TUBGCP6: variants seen among roughly 807,000 people sequenced by gnomAD.
TUBGCP6 encodes gamma-tubulin complex component 6.
In TUBGCP6, 161 loss-of-function variants were observed where a neutral mutation model predicts 175.8. The observed-to-expected ratio is 0.92, with a 90% CI of 0.81 to 1.04. TUBGCP6 has a LOEUF of 1.04. TUBGCP6 is among the 50% of genes least tolerant of loss of function. The pLI is 0.00. For synonymous variants in TUBGCP6, 1,173 were observed against 1,030.5 expected (o/e 1.14, Z -2.65); for missense variants, 2,572 against 2,433.0 (o/e 1.06, Z -1.20).
chr22:50,224,855 C>CT (rs1297078903), intron 10 of TUBGCP6, among the ~76,000 whole-genome samples: 2 of 152,048 alleles, frequency 1.3e-5, no homozygotes, highest in African/African-American at 4.8e-5. Flanking sequence ...GAGGTGGAGG[C>CT]TGCAGTGAGC....
At position 50,221,831 on chromosome 22, in the gene TUBGCP6, C is replaced by A. The variant is rs1320486567; in HGVS notation, c.2528G>T (p.Cys843Phe). Residue 843 changes from cysteine (C) to phenylalanine (F), a missense_variant, in exon 16 of 25, where the codon TGT becomes TTT. Coordinates refer to ENST00000248846, the MANE Select transcript of TUBGCP6 (RefSeq NM_020461.4). ...GTGTTGCTCTGCAGACCCAGAATCA[C>A]AGCCTTGGCCTCCCTCTGGGTGCTC... is the stretch of plus-strand genomic sequence containing the variant. ...GPEHPEGGQG[C>F]DSGSAEQHSP... is the part of the protein sequence containing the mutation. 1 of 1,510,754 alleles carries A rather than the reference C, an allele frequency of 6.6e-7. No homozygotes were observed. The highest frequency in any genetic ancestry group is 1.4e-5 in the African/African-American group (1 of 71,740). The allele number at this position is 1,510,754 out of a possible 1,614,324, so 93.6% of individuals were successfully genotyped here. A position where few individuals can be genotyped will look rare whatever the true frequency, so the allele number is the denominator to read the frequency against.
rs777430184 is a variant in TUBGCP6, at chr22:50,221,784, TCCAGCCATC to T, written c.2566_2574del (p.Asp856_Trp858del). The T allele has an allele frequency of 7.3e-6, 11 of 1,511,918 alleles. No homozygotes were observed. The highest frequency in any genetic ancestry group is 9.7e-6 in the Non-Finnish European group (11 of 1,130,160). 93.7% of individuals were successfully genotyped at this position (1,511,918 alleles called of 1,614,324 possible). On this transcript the variant is annotated inframe_deletion, in exon 16 of 25. Coordinates refer to ENST00000248846, the MANE Select transcript of TUBGCP6 (RefSeq NM_020461.4). ...TGTGGGGTCAGCAGGCCTGGCCTGT[TCCAGCCATC>T]CCAGGCAGGCGAGTGTTGCTCTGCA...
rs768587991 is a variant in TUBGCP6 at position 50,240,132 on chromosome 22, A to C, written c.905+72T>G. 6.3e-5 allele frequency: 100 copies of C among 1,594,240 alleles called. No homozygotes were observed. The East Asian group carries it at 2.1e-3, about 33-fold the overall frequency. ...GACCCCTGAGTACACAACGCCCCCC[A>C]CACACCCCATCCAAGGCCACGCTCA... is the stretch of plus-strand genomic sequence containing the variant. On this transcript the variant is annotated intron_variant, in intron 2 of 24. Coordinates refer to ENST00000248846, the MANE Select transcript of TUBGCP6 (RefSeq NM_020461.4).
rs747766416 is a variant in TUBGCP6 at position 50,217,913 on chromosome 22, C to T, written c.5368+5G>A. ...CGCAGCCCTCCCAGCCAGGGTGGGC[C>T]TCACCTTTGAAGAGAAAGTGGGAGT... On this transcript the variant is annotated splice_donor_5th_base_variant and intron_variant, in intron 24 of 24. Coordinates refer to ENST00000248846, the MANE Select transcript of TUBGCP6 (RefSeq NM_020461.4). The T allele has an allele frequency of 4.4e-6, 7 of 1,605,648 alleles. No homozygotes were observed. The highest frequency in any genetic ancestry group is 2.2e-5 in the East Asian group (1 of 44,680).
chr22:50,225,920 G>A lies in TUBGCP6; in HGVS notation c.1857C>T (p.Val619=), dbSNP rs780901473. 6.2e-6 allele frequency: 10 copies of A among 1,613,828 alleles called. No individual in the cohort carries two copies. The East Asian group carries it at 2.0e-4, about 32-fold the overall frequency. The stretch of plus-strand genomic sequence containing the variant: ...AAATCACCGAGATCCGGGGGACAGG[G>A]ACGTCGGACCAACAGAGGTAATGCT... The part of the protein sequence containing the change: ...CPRHYLCWSD[V]PVPRISVIFS... Residue 619 remains valine, a synonymous_variant, in exon 10 of 25, where the codon GTC becomes GTT. Coordinates refer to ENST00000248846, the MANE Select transcript of TUBGCP6 (RefSeq NM_020461.4).
At chr22:50,243,494 T>C (rs1286729556) in intron 1 of TUBGCP6, among the ~76,000 whole-genome samples, 3 of 147,048 alleles carry the variant, frequency 2.0e-5, no homozygotes, top group African/African-American at 7.6e-5. Flanking sequence ...GGCAGGTGCC[T>C]GTAATTTCAG....
rs373713701 is a variant in TUBGCP6, at chr22:50,220,278, G to A, written c.4081C>T (p.Pro1361Ser). Residue 1361 changes from proline to serine, a missense_variant, in exon 16 of 25, where the codon CCG (proline) becomes TCG (serine). Pro to Ser is a moderately conservative substitution (Grantham distance 74). Transcript: ENST00000248846. ...AGTTCTTCAGAGACACTGTCTCCCG[G>A]GGTGTTGGGCCACCATGGTTGGGTG... ...APTQPWWPNTPGDSVSEELGP... is the reference protein window; with the variant it reads ...APTQPWWPNTSGDSVSEELGP... The A allele has an allele frequency of 2.9e-5, 45 of 1,571,120 alleles. No homozygotes were observed. Among genetic ancestry groups the A allele is most frequent in the South Asian group, 4.7e-5 (4 of 85,208 alleles).
At position 50,222,032 on chromosome 22, in the gene TUBGCP6, G is replaced by C. The variant is rs371704858; in HGVS notation, c.2480C>G (p.Pro827Arg). The change falls in exon 15 of 25, where the codon CCC becomes CGC. Residue 827 changes from proline (P) to arginine (R), a missense_variant. Coordinates refer to ENST00000248846, the MANE Select transcript of TUBGCP6 (RefSeq NM_020461.4). ...EPPDVLLSVH[P>R]QVTSPGPEHP... ...GGGTTCCACTCTGCCGCTTACCTGG[G>C]GGTGCACGCTCAAGAGGACGTCTGG... is the stretch of plus-strand genomic sequence containing the variant. 9 of 1,613,756 alleles carry C rather than the reference G, an allele frequency of 5.6e-6. No individual in the cohort carries two copies. The highest frequency in any genetic ancestry group is 7.6e-6 in the Non-Finnish European group (9 of 1,179,994).
chr22:50,220,332 C>G lies in TUBGCP6; in HGVS notation c.4027G>C (p.Val1343Leu), dbSNP rs140144242. The change falls in exon 16 of 25, where the codon GTG becomes CTG. Residue 1343 changes from valine to leucine, a missense_variant. Transcript: ENST00000248846. Reference protein sequence around the residue: ...SSGCGEGSISVGENVSDVAPT... With the variant: ...SSGCGEGSISLGENVSDVAPT... ...GCCACGTCTGACACGTTCTCCCCCACGCTGATGCTCCCCTCCCCGCAGCCC... is the reference window on the plus strand; with the variant it reads ...GCCACGTCTGACACGTTCTCCCCCAGGCTGATGCTCCCCTCCCCGCAGCCC... 10 of 1,574,224 alleles carry G rather than the reference C, an allele frequency of 6.4e-6. No individual in the cohort carries two copies. In the African/African-American group the frequency reaches 1.1e-4, roughly 17 times the overall value.
At chr22:50,218,161 A>AGGGACGCAGCCGCTGCCC (rs766227125) in intron 23 of TUBGCP6, 28 bp downstream of exon 23, 1 of 1,609,930 alleles carries the variant, frequency 6.2e-7, no homozygotes, top group South Asian at 1.1e-5. Context: ...CCGTGACCAC[A>AGGGACGCAGCCGCTGCCC]GGGACGCAGC....
intron 10 of TUBGCP6, among the ~76,000 whole-genome samples, chr22:50,225,311 T>C (rs1312834997): frequency 6.6e-6 from 1 of 151,812 alleles, no homozygotes; most frequent in Non-Finnish European, 1.5e-5. Flanking sequence ...ATGGCACTGA[T>C]TGTACCACCG....
chr22:50,237,303 G>A (rs914650900), intron 2 of TUBGCP6, among the ~76,000 whole-genome samples: 2 of 152,270 alleles, frequency 1.3e-5, no homozygotes, highest in African/African-American at 4.8e-5. Context: ...TTTCTGGCTA[G>A]GCGGCAGTTT....
chr22:50,227,780 CG>C (rs1366232426), intron 5 of TUBGCP6, 126 bp downstream of exon 5: 2 of 1,348,066 alleles, frequency 1.5e-6, no homozygotes, highest in Non-Finnish European at 2.0e-6. Flanking sequence ...AAGGGCCATC[CG>C]GTCGCCTGCT....
chr22:50,220,128 G>T, intron 16 of TUBGCP6, 113 bp from the exon 17 acceptor site: 1 of 1,548,630 alleles, frequency 6.5e-7, no homozygotes, highest in Admixed American at 1.9e-5. Context: ...CAGCAGCCCA[G>T]GTCCTGGCTG....
At chr22:50,235,801 G>A (rs1179282241) in intron 2 of TUBGCP6, among the ~76,000 whole-genome samples, 2 of 152,128 alleles carry the variant, frequency 1.3e-5, no homozygotes, top group Admixed American at 6.6e-5. Flanking sequence ...TTAGCTGGGC[G>A]TGGTGGCGGG....
chr22:50,220,708 A>G lies in TUBGCP6; in HGVS notation c.3651T>C (p.His1217=), dbSNP rs148914897. ...PTRPRWNTHG[H]VSDTSIRVGE... ...CAACCCTGATGCTGGTGTCAGACAC[A>G]TGTCCGTGGGTGTTCCACCGTGGCC... The change falls in exon 16 of 25, where the codon CAT becomes CAC. Residue 1217 remains histidine (H), a synonymous_variant. Coordinates refer to ENST00000248846, the MANE Select transcript of TUBGCP6 (RefSeq NM_020461.4). The G allele has an allele frequency of 2.2e-4, 348 of 1,592,820 alleles. 1 individual carries two copies. In the African/African-American group the frequency reaches 4.3e-3, roughly 20 times the overall value.
chr22:50,232,372 AAAAAAGAAAAAGAAAAAG>A lies in TUBGCP6; in HGVS notation c.1116+926_1116+943del, dbSNP rs199505423. Among the ~76,000 whole-genome samples the A allele has an allele frequency of 2.4e-4, 33 of 139,650 alleles. No homozygotes were observed. The South Asian group carries it at 7.4e-3, about 31-fold the overall frequency. The allele number at this position is 139,650 out of a possible 152,430, so 91.6% of individuals were successfully genotyped here. ...CAGAGCGAGACTCTGTCTCAAAAAAAAAAAAGAAAAAGAAAAAGAAAAAGAAAAGAAAAAAATGAGCTG... is the reference window on the plus strand; with the variant it reads ...CAGAGCGAGACTCTGTCTCAAAAAAAAAAAAGAAAAGAAAAAAATGAGCTG... On this transcript the variant is annotated intron_variant, in intron 3 of 24. Coordinates refer to ENST00000248846, the MANE Select transcript of TUBGCP6 (RefSeq NM_020461.4).
intron 1 of TUBGCP6, among the ~76,000 whole-genome samples, chr22:50,241,890 C>T (rs1569127890): frequency 7.0e-6 from 1 of 142,286 alleles, no homozygotes; most frequent in Admixed American, 7.5e-5. Context: ...CTATCTCTGT[C>T]TTGTGTCTTT....
At position 50,222,355 on chromosome 22, in the gene TUBGCP6, CCT is replaced by C. The variant is rs1307156629; in HGVS notation, c.2409+97_2409+98del. 9 of 1,533,784 alleles carry C rather than the reference CCT, an allele frequency of 5.9e-6. No individual in the cohort carries two copies. In the African/African-American group the frequency reaches 1.1e-4, roughly 19 times the overall value. On this transcript the variant is annotated intron_variant, in intron 14 of 24. Transcript: ENST00000248846. Reference sequence around the variant, plus strand: ...TGCCGCAAACGCGAAAGCCACCAGCCCTCTCCTAGAAGAGCATGTAGGTTTGT... The same window carrying C: ...TGCCGCAAACGCGAAAGCCACCAGCCCTCCTAGAAGAGCATGTAGGTTTGT...
Sources: gnomAD v4.1 joint callset for allele counts (sites outside exome capture counted in the v4.1 genomes callset) on GRCh38, gnomAD v4.1.1 for gene constraint, MANE v1.5 for transcripts, NCBI Gene and HGNC (gene_info 2026-07-23, HGNC 2026-07-21) for gene names.